The following FRMPD1 variants were observed in gnomAD, a reference collection of about 807,000 sequenced individuals.
FRMPD1 encodes the protein FERM and PDZ domain containing 1, also known as FERM and PDZ domain-containing protein 1.
A neutral mutation model predicts 117.8 loss-of-function variants in FRMPD1; 76 were observed. That is an observed-to-expected ratio of 0.65 (90% confidence interval 0.54 to 0.78). The LOEUF is 0.78. FRMPD1 is among the 30% of genes least tolerant of loss of function. FRMPD1 has a pLI of 0.00. For synonymous variants in FRMPD1, 783 were observed against 770.4 expected (o/e 1.02, Z -0.27); for missense variants, 1,786 against 1,964.5 (o/e 0.91, Z 1.72).
intron 1 of FRMPD1, among the ~76,000 whole-genome samples, chr9:37,689,985 G>A (rs1822076602): frequency 6.6e-6 from 1 of 152,036 alleles, no homozygotes; most frequent in Non-Finnish European, 1.5e-5. Context: ...GTTACTTGAT[G>A]TGGGTCTTTT....
chr9:37,629,314 T>A, the FRMPD1 span, among the ~76,000 whole-genome samples: 1 of 152,266 alleles, frequency 6.6e-6, no homozygotes, highest in Admixed American at 6.5e-5. Context: ...ACCCACTGGA[T>A]GAGTCAGTCT....
the FRMPD1 span, among the ~76,000 whole-genome samples, chr9:37,611,787 G>A: frequency 6.6e-6 from 1 of 152,170 alleles, no homozygotes; most frequent in African/African-American, 2.4e-5. Flanking sequence ...AGTGCACAGA[G>A]CTTAATGCAG....
the FRMPD1 span, among the ~76,000 whole-genome samples, chr9:37,632,408 G>A: frequency 6.6e-6 from 1 of 152,198 alleles, no homozygotes; most frequent in Non-Finnish European, 1.5e-5. Context: ...ATTTACTGTG[G>A]TATTACCTGA....
At chr9:37,737,941 A>G (rs1824211581) in intron 14 of FRMPD1, among the ~76,000 whole-genome samples, 1 of 152,100 alleles carries the variant, frequency 6.6e-6, no homozygotes, top group Non-Finnish European at 1.5e-5. Flanking sequence ...CTCTTTTGCA[A>G]TCTCTTGAAG....
chr9:37,743,986 C>T lies in FRMPD1; in HGVS notation c.2357-403C>T, dbSNP rs372670515. Among the ~76,000 whole-genome samples, 24 of 151,732 alleles carry T rather than the reference C, an allele frequency of 1.6e-4. No individual in the cohort carries two copies. The East Asian group carries it at 1.8e-3, about 11-fold the overall frequency. Reference sequence around the variant, plus strand: ...GGCGGATCATTTGAGGTCAGGAGTTCGAGACCACCCTGACCAATATGGTGA... The same window carrying T: ...GGCGGATCATTTGAGGTCAGGAGTTTGAGACCACCCTGACCAATATGGTGA... On this transcript the variant is annotated intron_variant, in intron 15 of 15. Coordinates refer to ENST00000377765, the MANE Select transcript of FRMPD1 (RefSeq NM_014907.3).
intron 2 of FRMPD1, among the ~76,000 whole-genome samples, chr9:37,695,912 G>C (rs758387362): frequency 1.3e-5 from 2 of 152,010 alleles, no homozygotes; most frequent in South Asian, 4.2e-4. Context: ...CTCCCAGCTC[G>C]ACCCCACCCC....
At chr9:37,743,681 G>C (rs1824536175) in intron 15 of FRMPD1, among the ~76,000 whole-genome samples, 1 of 151,422 alleles carries the variant, frequency 6.6e-6, no homozygotes, top group Non-Finnish European at 1.5e-5. Context: ...CTAAACAGAA[G>C]TTGAGATGCT....
chr9:37,715,654 C>G (rs1299230508), intron 5 of FRMPD1: 3 of 456,106 alleles, frequency 6.6e-6, no homozygotes, highest in Non-Finnish European at 1.3e-5. Context: ...TGAATTGTCT[C>G]TTTAAAATAT....
At position 37,729,805 on chromosome 9, in the gene FRMPD1, C is replaced by T; in HGVS notation, c.690C>T (p.Tyr230=). 6.2e-7 allele frequency: 1 copy of T among 1,614,014 alleles called. No individual in the cohort carries two copies. The highest frequency in any genetic ancestry group is 8.5e-7 in the Non-Finnish European group (1 of 1,179,926). Residue 230 remains tyrosine, a synonymous_variant, in exon 8 of 16, where the codon TAC becomes TAT. Coordinates refer to ENST00000377765, the MANE Select transcript of FRMPD1 (RefSeq NM_014907.3). Reference sequence around the variant, plus strand: ...TTGCACTGGCCCTGGAAGAGCAGTACAGCATCTCCCGGCTGCACCTGCTGC... The same window carrying T: ...TTGCACTGGCCCTGGAAGAGCAGTATAGCATCTCCCGGCTGCACCTGCTGC... ...EYFALALEEQ[Y]SISRLHLLHE...
chr9:37,737,167 G>C lies in FRMPD1; in HGVS notation c.1473G>C (p.Leu491=). The change falls in exon 14 of 16, where the codon CTG becomes CTC. Residue 491 remains leucine (L), a synonymous_variant. Transcript: ENST00000377765. ...GCCTGATTGCTGGGTACTACAGGCT[G>C]TTGGTTGACCCAGTTACCTCCATTT... ...LACLIAGYYR[L]LVDPVTSIFL... is the part of the protein sequence containing the mutation. 6.2e-7 allele frequency: 1 copy of C among 1,613,554 alleles called. No individual in the cohort carries two copies. The highest frequency in any genetic ancestry group is 1.1e-5 in the South Asian group (1 of 91,066).
intron 6 of FRMPD1, among the ~76,000 whole-genome samples, chr9:37,721,647 G>A (rs1823404212): frequency 6.6e-6 from 1 of 152,138 alleles, no homozygotes; most frequent in African/African-American, 2.4e-5. Context: ...TTGCATTCCT[G>A]TTAGTCTATA....
At chr9:37,628,413 C>T in the FRMPD1 span, among the ~76,000 whole-genome samples, 1 of 151,862 alleles carries the variant, frequency 6.6e-6, no homozygotes, top group East Asian at 1.9e-4. Context: ...CTGCAAATTG[C>T]TCTGAAGAAT....
chr9:37,642,587 T>A, the FRMPD1 span, among the ~76,000 whole-genome samples: 3 of 152,316 alleles, frequency 2.0e-5, no homozygotes, highest in African/African-American at 7.2e-5. Context: ...AAATATTAGG[T>A]CTCAATAAAA....
At chr9:37,684,842 C>A (rs559192629) in intron 1 of FRMPD1, among the ~76,000 whole-genome samples, 1 of 152,296 alleles carries the variant, frequency 6.6e-6, no homozygotes, top group African/African-American at 2.4e-5. Flanking sequence ...CAGCCTCAAC[C>A]TCCTGGGCTC....
At chr9:37,650,390 A>G (rs1433213728), upstream of FRMPD1, among the ~76,000 whole-genome samples, 2 of 152,118 alleles carry the variant, frequency 1.3e-5, no homozygotes, top group African/African-American at 4.8e-5. Context: ...AGGGCCGAGG[A>G]AAGCTAGGAG....
chr9:37,633,836 G>C, the FRMPD1 span, among the ~76,000 whole-genome samples: 1 of 152,340 alleles, frequency 6.6e-6, no homozygotes, highest in African/African-American at 2.4e-5. Context: ...ACTCCAGCCT[G>C]AGTGACAGAG....
chr9:37,637,369 T>C, the FRMPD1 span: 1 of 745,218 alleles, frequency 1.3e-6, no homozygotes, highest in Non-Finnish European at 2.4e-6. Flanking sequence ...TGGCCGCCGA[T>C]GTTTTTTCAA....
At chr9:37,623,963 G>A in the FRMPD1 span, among the ~76,000 whole-genome samples, 3 of 152,218 alleles carry the variant, frequency 2.0e-5, no homozygotes, top group Non-Finnish European at 4.4e-5. Context: ...AGATTAGGGT[G>A]ATGTGGGAGA....
upstream of FRMPD1, among the ~76,000 whole-genome samples, chr9:37,647,327 G>A (rs1824157160): frequency 6.6e-6 from 1 of 151,852 alleles, no homozygotes. Context: ...GGCTAACACA[G>A]TGAAACCCCG....
Sources: gnomAD v4.1 joint callset for allele counts (sites outside exome capture counted in the v4.1 genomes callset) on GRCh38, gnomAD v4.1.1 for gene constraint, MANE v1.5 for transcripts, NCBI Gene and HGNC (gene_info 2026-07-23, HGNC 2026-07-21) for gene names.